Variants in NUP205 observed in about 807,000 individuals in gnomAD.
NUP205 encodes the protein nucleoporin 205, also known as nuclear pore complex protein Nup205.
Under a neutral mutation model 253.8 loss-of-function variants are expected in NUP205, and 76 were observed. The observed-to-expected ratio is 0.30, with a 90% CI of 0.25 to 0.36. The LOEUF is 0.36. Ranked by LOEUF, NUP205 falls within the 10% of genes least tolerant of loss-of-function variation. The probability of loss-of-function intolerance (pLI) is 1.00; values close to 1 mark genes in which losing one functional copy is unlikely to be tolerated. For missense variants in NUP205, 2,162 were observed against 2,425.5 expected, an observed-to-expected ratio of 0.89 and a Z score of 2.28; for synonymous variants, 832 against 850.1, an observed-to-expected ratio of 0.98 and a Z score of 0.37.
intron 39 of NUP205, among the ~76,000 whole-genome samples, chr7:135,644,365 C>T (rs145317629): frequency 6.6e-6 from 1 of 152,320 alleles, no homozygotes; most frequent in African/African-American, 2.4e-5. Flanking sequence ...AGCGCGTGGC[C>T]TTCCATCAGC....
chr7:135,646,734 A>G (rs1795019183), intron 42 of NUP205, among the ~76,000 whole-genome samples: 2 of 152,230 alleles, frequency 1.3e-5, no homozygotes, highest in South Asian at 4.1e-4. Flanking sequence ...TAACAGCTAT[A>G]TGACTTTGAA....
intron 38 of NUP205, among the ~76,000 whole-genome samples, chr7:135,641,556 C>G (rs1413005812): frequency 6.6e-6 from 1 of 151,278 alleles, no homozygotes; most frequent in Admixed American, 6.6e-5. Context: ...GTTGCTTGAG[C>G]CCAGAAGGTA....
chr7:135,615,823 C>T (rs1051545590), intron 23 of NUP205, 93 bp from the exon 24 acceptor site: 3 of 701,748 alleles, frequency 4.3e-6, no homozygotes, highest in Non-Finnish European at 6.5e-6. Flanking sequence ...GACTTTGTTA[C>T]ATGGGAAAAT....
chr7:135,591,642 C>G (rs1481891310), intron 11 of NUP205, 42 bp downstream of exon 11: 4 of 1,568,790 alleles, frequency 2.5e-6, no homozygotes, highest in Non-Finnish European at 2.6e-6. Context: ...TTGTTATACT[C>G]TTTTAAGTTC....
At position 135,602,901 on chromosome 7, in the gene NUP205, G is replaced by A; in HGVS notation, c.2609G>A (p.Ser870Asn). Residue 870 changes from serine (S) to asparagine (N), a missense_variant, in exon 18 of 43, where the codon AGT (serine) becomes AAT (asparagine). Physicochemically the swap from Ser to Asn is conservative, Grantham distance 46 (BLOSUM62 1). This residue lies in a region of NUP205 where 892 missense variants were observed against 957.1 expected (regional missense o/e 0.93). Transcript: ENST00000285968. ...ENLFMDLLRE[S>N]QLALIVCPLE... ...CTTTTTATGGACCTTCTAAGAGAGAGTCAACTGGCTCTAATAGTCTGTCCT... is the reference window on the plus strand; with the variant it reads ...CTTTTTATGGACCTTCTAAGAGAGAATCAACTGGCTCTAATAGTCTGTCCT... The A allele has an allele frequency of 6.2e-7, 1 of 1,613,822 alleles. No homozygotes were observed. Among genetic ancestry groups the A allele is most frequent in the Non-Finnish European group, 8.5e-7 (1 of 1,179,764 alleles).
intron 25 of NUP205, 41 bp from the exon 26 acceptor site, chr7:135,617,049 A>G (rs1259461220): frequency 6.8e-7 from 1 of 1,475,176 alleles, no homozygotes; most frequent in Non-Finnish European, 9.2e-7. Context: ...CTTTCTTTTC[A>G]ATGTCCCAAG....
rs1806221125 is a variant in NUP205 at position 135,578,713 on chromosome 7, CTGGTGATCGGTAAAG to C, written c.878-33_878-19del. 8.9e-6 allele frequency: 13 copies of C among 1,461,980 alleles called. No individual in the cohort carries two copies. The East Asian group carries it at 3.0e-4, about 34-fold the overall frequency. The allele number at this position is 1,461,980 out of a possible 1,614,324, so 90.6% of individuals were successfully genotyped here. On this transcript the variant is annotated intron_variant, in intron 6 of 42. Coordinates refer to ENST00000285968, the MANE Select transcript of NUP205 (RefSeq NM_015135.3). ...CTGTGTATCAGAAGTGAGAATTTAT[CTGGTGATCGGTAAAG>C]TGGTCTATTTTTGTGTTTTCAGATA...
intron 1 of NUP205, among the ~76,000 whole-genome samples, chr7:135,565,455 G>T (rs1468291932): frequency 1.3e-5 from 2 of 148,602 alleles, no homozygotes; most frequent in East Asian, 2.0e-4. Context: ...TTTTTGAGAT[G>T]GAGTTTCGCT....
At position 135,636,044 on chromosome 7, in the gene NUP205, C is replaced by T. The variant is rs557426548; in HGVS notation, c.5136+387C>T. 4.3e-3 allele frequency among the ~76,000 whole-genome samples: 655 copies of T among 151,748 alleles called. 5 individuals carry two copies. The highest frequency in any genetic ancestry group is 0.015 in the African/African-American group (631 of 41,250). On this transcript the variant is annotated intron_variant, in intron 36 of 42. Coordinates refer to ENST00000285968, the MANE Select transcript of NUP205 (RefSeq NM_015135.3). ...AATAAGCCACGAGCAGACTGTTTGC[C>T]CTAGAGTTTTCTTTTTTATTTGCTT...
intron 23 of NUP205, among the ~76,000 whole-genome samples, chr7:135,615,626 T>C (rs1014105079): frequency 1.3e-5 from 2 of 152,228 alleles, no homozygotes; most frequent in African/African-American, 4.8e-5. Flanking sequence ...CAAAATACGA[T>C]AGATTCAGGA....
Position 135,617,108 on chromosome 7 carries a change from A to G in NUP205, c.3551A>G (p.Asn1184Ser), listed in dbSNP as rs760844006. The G allele has an allele frequency of 5.4e-5, 87 of 1,609,264 alleles. 3 individuals are homozygous for G. In the South Asian group the frequency reaches 9.2e-4, roughly 17 times the overall value. ...TTTCTAGTACGTCGAAAAATTCTAA[A>G]TATTCTTGACTCGATTGACTTCAGT... ...TATKVRRKIL[N>S]ILDSIDFSQE... Residue 1184 changes from asparagine (N) to serine (S), a missense_variant, in exon 26 of 43, where the codon AAT becomes AGT. Around this residue, in one of 5 missense-constraint regions of NUP205, gnomAD observed 1,144 missense variants for 1,280.9 expected, o/e 0.89. Transcript: ENST00000285968.
intron 15 of NUP205, chr7:135,598,962 A>G (rs1420017529): frequency 1.3e-5 from 2 of 152,186 alleles, no homozygotes; most frequent in African/African-American, 4.8e-5. Context: ...TTAACCTTAC[A>G]GAATACCCTT....
At chr7:135,591,699 AC>A in intron 11 of NUP205, 99 bp downstream of exon 11, 2 of 1,017,740 alleles carry the variant, frequency 2.0e-6, no homozygotes, top group Non-Finnish European at 2.9e-6. Context: ...ACTAGGTTCT[AC>A]CAGAGGTATA....
Position 135,614,255 on chromosome 7 carries a change from C to G in NUP205, c.3292C>G (p.Leu1098Val), listed in dbSNP as rs773425366. 6.3e-7 allele frequency: 1 copy of G among 1,583,622 alleles called. No individual in the cohort carries two copies. Among genetic ancestry groups the G allele is most frequent in the Non-Finnish European group, 8.7e-7 (1 of 1,152,662 alleles). Residue 1098 changes from leucine (L) to valine (V), a missense_variant, in exon 23 of 43, where the codon CTA becomes GTA. Around this residue, in one of 5 missense-constraint regions of NUP205, gnomAD observed 1,144 missense variants for 1,280.9 expected, o/e 0.89. Transcript: ENST00000285968. ...TTTCTTATTTTCCCAGTTGCAGTAT[C>G]TACCATTTTCTAACAAAGGTAGGCC... ...QDFLFSQLQY[L>V]PFSNKEYEIS...
In NUP205 at chr7:135,577,960, T is replaced by C. The variant is rs1184361490; in HGVS notation, c.813T>C (p.Leu271=). ...NGSLDAVNLA[L]LMALLYCFDI... Reference sequence around the variant, plus strand: ...CACTGGATGCAGTGAATCTGGCTCTTCTTATGGCGCTTCTATACTGTTTTG... The same window carrying C: ...CACTGGATGCAGTGAATCTGGCTCTCCTTATGGCGCTTCTATACTGTTTTG... Residue 271 remains leucine, a synonymous_variant, in exon 6 of 43, where the codon CTT becomes CTC. Coordinates refer to ENST00000285968, the MANE Select transcript of NUP205 (RefSeq NM_015135.3). The C allele has an allele frequency of 5.0e-6, 8 of 1,614,120 alleles. No homozygotes were observed. Among genetic ancestry groups the C allele is most frequent in the Non-Finnish European group, 2.5e-6 (3 of 1,180,000 alleles).
chr7:135,615,686 T>G (rs1275494286), intron 23 of NUP205, among the ~76,000 whole-genome samples: 1 of 152,212 alleles, frequency 6.6e-6, no homozygotes, highest in Non-Finnish European at 1.5e-5. Flanking sequence ...CTTTTACTCT[T>G]CATTTACTTT....
rs1336486711 is a variant in NUP205, at chr7:135,617,669, C to T, written c.3758C>T (p.Pro1253Leu). Reference protein sequence around the residue: ...LQGMAAIGQRPLLMEEISTVL... With the variant: ...LQGMAAIGQRLLLMEEISTVL... ...GGTATGGCAGCCATAGGACAGAGACCTCTACTAATGGAGGTAAGCTCTATT... is the reference window on the plus strand; with the variant it reads ...GGTATGGCAGCCATAGGACAGAGACTTCTACTAATGGAGGTAAGCTCTATT... The change falls in exon 27 of 43, where the codon CCT becomes CTT. Residue 1253 changes from proline (P) to leucine (L), a missense_variant. Coordinates refer to ENST00000285968, the MANE Select transcript of NUP205 (RefSeq NM_015135.3). 1.9e-6 allele frequency: 3 copies of T among 1,607,234 alleles called. No individual in the cohort carries two copies. In the Admixed American group the frequency reaches 5.0e-5, roughly 27 times the overall value.
chr7:135,562,974 A>G (rs573025576), intron 1 of NUP205, among the ~76,000 whole-genome samples: 1 of 152,150 alleles, frequency 6.6e-6, no homozygotes, highest in East Asian at 1.9e-4. Flanking sequence ...GGAAACCCAC[A>G]GGTTGTCCTC....
chr7:135,642,354 A>ATTTTTTTTTT (rs370739472), intron 38 of NUP205, among the ~76,000 whole-genome samples: 1 of 149,408 alleles, frequency 6.7e-6, no homozygotes. Flanking sequence ...CTCTAGGATG[A>ATTTTTTTTTT]TTTTTTTTTT....
Sources: gnomAD v4.1 joint callset for allele counts (sites outside exome capture counted in the v4.1 genomes callset) on GRCh38, gnomAD v4.1.1 for gene constraint, gnomAD v4.1.1 regional missense constraint, MANE v1.5 for transcripts, NCBI Gene and HGNC (gene_info 2026-07-23, HGNC 2026-07-21) for gene names.